CFAP70: variants seen among roughly 807,000 people sequenced by gnomAD.
CFAP70 encodes cilia and flagella associated protein 70, also known as cilia- and flagella-associated protein 70.
In CFAP70, 81 loss-of-function variants were observed where a neutral mutation model predicts 137.6. The observed-to-expected ratio is 0.59, with a 90% CI of 0.49 to 0.71. The LOEUF (loss-of-function observed/expected upper bound fraction) is 0.71. CFAP70 is among the 30% of genes least tolerant of loss of function. CFAP70 has a pLI of 0.00. For missense variants in CFAP70, 976 were observed against 1,226.7 expected, an observed-to-expected ratio of 0.80 and a Z score of 3.05; for synonymous variants, 382 against 423.6, an observed-to-expected ratio of 0.90 and a Z score of 1.20.
intron 25 of CFAP70, among the ~76,000 whole-genome samples, chr10:73,260,131 T>A (rs2045001558): frequency 6.6e-6 from 1 of 151,898 alleles, no homozygotes; most frequent in Middle Eastern, 3.2e-3. Context: ...GGCATGAGGA[T>A]TACTTGAGGC....
intron 8 of CFAP70, 139 bp downstream of exon 9, chr10:73,331,038 G>T: frequency 1.7e-6 from 1 of 573,378 alleles, no homozygotes; most frequent in Non-Finnish European, 3.0e-6. Flanking sequence ...TGACATTCAA[G>T]GCAAATCAGA....
rs751741274 is a variant in CFAP70, at chr10:73,299,668, G to A, written c.1257-3C>T. The A allele has an allele frequency of 2.5e-6, 4 of 1,607,044 alleles. No individual in the cohort carries two copies. The highest frequency in any genetic ancestry group is 2.5e-6 in the Non-Finnish European group (3 of 1,177,214). On this transcript the variant is annotated splice_polypyrimidine_tract_variant and splice_region_variant and intron_variant, in intron 12 of 26. Coordinates refer to ENST00000310715, the Ensembl canonical transcript of CFAP70. Reference sequence around the variant, plus strand: ...TTGGAGGAATCATTTCCTTGACCCTGTATCAGGAAAGAAAAAAAATAAAAA... The same window carrying A: ...TTGGAGGAATCATTTCCTTGACCCTATATCAGGAAAGAAAAAAAATAAAAA...
At chr10:73,291,503 G>T (rs1232941794) in intron 18 of CFAP70, 59 bp from the exon 20 acceptor site, 1 of 1,538,440 alleles carries the variant, frequency 6.5e-7, no homozygotes, top group South Asian at 1.1e-5. Flanking sequence ...ATATACTAAA[G>T]AATTGTATTT....
At chr10:73,286,301 G>A (rs902058828) in intron 19 of CFAP70, among the ~76,000 whole-genome samples, 46 of 151,956 alleles carry the variant, frequency 3.0e-4, no homozygotes, top group Non-Finnish European at 5.6e-4. Flanking sequence ...AAAATTAGCC[G>A]GGCGTGGTGG....
chr10:73,305,756 T>C (rs1589420414), intron 12 of CFAP70, among the ~76,000 whole-genome samples: 1 of 152,164 alleles, frequency 6.6e-6, no homozygotes, highest in African/African-American at 2.4e-5. Flanking sequence ...TATCCACATG[T>C]CCAGTTTTCA....
intron 19 of CFAP70, among the ~76,000 whole-genome samples, chr10:73,286,388 G>A (rs984799089): frequency 2.6e-5 from 4 of 152,114 alleles, no homozygotes; most frequent in Non-Finnish European, 5.9e-5. Context: ...AGCTTGCAGT[G>A]AGCCGAGATC....
intron 9 of CFAP70, among the ~76,000 whole-genome samples, chr10:73,317,263 C>T (rs1170633826): frequency 6.6e-6 from 1 of 152,138 alleles, no homozygotes; most frequent in Admixed American, 6.5e-5. Context: ...GGTGATCCAC[C>T]CACCTCTACC....
rs1046144512 is a variant in CFAP70 at position 73,292,201 on chromosome 10, A to G, written c.1771-187T>C. Among the ~76,000 whole-genome samples the G allele has an allele frequency of 7.9e-5, 12 of 152,222 alleles. 1 individual carries two copies. The highest frequency in any genetic ancestry group is 2.9e-4 in the African/African-American group (12 of 41,464). On this transcript the variant is annotated intron_variant, in intron 16 of 26. Transcript: ENST00000310715. ...TTCTGGCCTTTAGTAGGTGGTTGAAAAAAGTATTAATATAATTAAAAATTT... is the reference window on the plus strand; with the variant it reads ...TTCTGGCCTTTAGTAGGTGGTTGAAGAAAGTATTAATATAATTAAAAATTT...
intron 19 of CFAP70, among the ~76,000 whole-genome samples, chr10:73,285,425 A>T (rs1343322334): frequency 6.6e-6 from 1 of 152,214 alleles, no homozygotes; most frequent in East Asian, 1.9e-4. Flanking sequence ...AGGACAGAAA[A>T]GTAGATGGGA....
At position 73,310,427 on chromosome 10, in the gene CFAP70, T is replaced by C. The variant is rs150792561; in HGVS notation, c.1165-178A>G. 1.5e-3 allele frequency among the ~76,000 whole-genome samples: 232 copies of C among 152,342 alleles called. 2 individuals are homozygous for C. Among genetic ancestry groups the C allele is most frequent in the Admixed American group, 4.4e-3 (68 of 15,306 alleles). On this transcript the variant is annotated intron_variant, in intron 11 of 26. Coordinates refer to ENST00000310715, the Ensembl canonical transcript of CFAP70. ...ATAGAAAAATAACTGGAAAGAAATA[T>C]AGCAACAGTGGTTATCTCTTAGAGG...
At chr10:73,299,611 A>T in exon 13 of CFAP70, 1 of 1,613,206 alleles carries the variant, frequency 6.2e-7, no homozygotes, top group South Asian at 1.1e-5. Context: ...TTGCCTTCTG[A>T]GCTCCTCCTG....
At chr10:73,309,673 T>A (rs1004550618) in intron 12 of CFAP70, among the ~76,000 whole-genome samples, 1 of 151,598 alleles carries the variant, frequency 6.6e-6, no homozygotes, top group African/African-American at 2.4e-5. Context: ...TTTTTTTTTT[T>A]AGAGATAGAG....
chr10:73,307,380 G>C (rs1226405871), intron 12 of CFAP70, among the ~76,000 whole-genome samples: 1 of 152,118 alleles, frequency 6.6e-6, no homozygotes, highest in African/African-American at 2.4e-5. Flanking sequence ...CACATTAAAT[G>C]TAAATGGATT....
chr10:73,336,947 G>T (rs1322926479), intron 6 of CFAP70, among the ~76,000 whole-genome samples: 3 of 151,996 alleles, frequency 2.0e-5, no homozygotes, highest in Admixed American at 2.0e-4. Flanking sequence ...ATTAAAGTAT[G>T]TCCATACAAT....
At position 73,337,654 on chromosome 10, in the gene CFAP70, C is replaced by T. The variant is rs181461835; in HGVS notation, c.583-2130G>A. Among the ~76,000 whole-genome samples the T allele has an allele frequency of 1.9e-3, 287 of 152,226 alleles. 2 individuals are homozygous for T. The highest frequency in any genetic ancestry group is 6.5e-3 in the African/African-American group (271 of 41,516). On this transcript the variant is annotated intron_variant, in intron 6 of 26. Coordinates refer to ENST00000310715, the Ensembl canonical transcript of CFAP70. ...GTGCAGTGGTTCACGCCTGTAATCC[C>T]AGCACTTTGGGAGGCCGAGGCAGGC...
intron 6 of CFAP70, among the ~76,000 whole-genome samples, chr10:73,339,460 C>A (rs1273250538): frequency 6.6e-6 from 1 of 152,238 alleles, no homozygotes; most frequent in African/African-American, 2.4e-5. Flanking sequence ...CAGAAAACCT[C>A]TGTGGCTGGT....
At chr10:73,344,429 C>A (rs2053537344) in intron 5 of CFAP70, among the ~76,000 whole-genome samples, 1 of 152,216 alleles carries the variant, frequency 6.6e-6, no homozygotes, top group South Asian at 2.1e-4. Context: ...ACTATGTGGG[C>A]TGTTCCCCGG....
At chr10:73,271,146 C>G (rs1250166680) in intron 24 of CFAP70, among the ~76,000 whole-genome samples, 2 of 152,182 alleles carry the variant, frequency 1.3e-5, no homozygotes, top group African/African-American at 4.8e-5. Context: ...GGTGACAGAG[C>G]AAGATCCTGT....
intron 23 of CFAP70, among the ~76,000 whole-genome samples, chr10:73,273,706 G>A (rs192575340): frequency 1.3e-5 from 2 of 152,302 alleles, no homozygotes; most frequent in Admixed American, 1.3e-4. Flanking sequence ...AAGCCTATGT[G>A]AGCTTTCCAC....
Sources: gnomAD v4.1 joint callset for allele counts (sites outside exome capture counted in the v4.1 genomes callset) on GRCh38, gnomAD v4.1.1 for gene constraint, MANE v1.5 for transcripts, NCBI Gene and HGNC (gene_info 2026-07-23, HGNC 2026-07-21) for gene names.